Variants in BACE2 observed in about 807,000 individuals in gnomAD.
The protein encoded by BACE2 is beta-secretase 2.
Under a neutral mutation model 46.2 loss-of-function variants are expected in BACE2, and 17 were observed. That is an observed-to-expected ratio of 0.37 (90% confidence interval 0.25 to 0.55). The LOEUF (loss-of-function observed/expected upper bound fraction) is 0.55. Among genes scored for constraint, BACE2 ranks in the 20% least tolerant of loss-of-function variants. The pLI, the probability that BACE2 is intolerant of heterozygous loss-of-function variation, is 0.82. For missense variants in BACE2, 595 were observed against 698.1 expected, an observed-to-expected ratio of 0.85 and a Z score of 1.66; for synonymous variants, 277 against 295.9, an observed-to-expected ratio of 0.94 and a Z score of 0.66.
chr21:41,236,390 C>T (rs2123592562), intron 2 of BACE2, among the ~76,000 whole-genome samples: 1 of 152,274 alleles, frequency 6.6e-6, no homozygotes, highest in African/African-American at 2.4e-5. Context: ...GCTCTCGTCC[C>T]GTAACCACCA....
rs371026635 is a variant in BACE2, at chr21:41,254,087, G to A, written c.1135-3071G>A. On this transcript the variant is annotated intron_variant, in intron 7 of 8. Coordinates refer to ENST00000330333, the MANE Select transcript of BACE2 (RefSeq NM_012105.5). ...GAGTTTTAGGATGGGGCCCTACCTG[G>A]GACCTCTCAAACATGAGCCCTAATA... Among the ~76,000 whole-genome samples, 26 of 152,226 alleles carry A rather than the reference G, an allele frequency of 1.7e-4. 1 individual carries two copies. Among genetic ancestry groups the A allele is most frequent in the East Asian group, 5.8e-4 (3 of 5,178 alleles).
At chr21:41,268,940 TTCTTC>T (rs927740287) in intron 8 of BACE2, among the ~76,000 whole-genome samples, 8 of 152,102 alleles carry the variant, frequency 5.3e-5, no homozygotes, top group Admixed American at 2.0e-4. Context: ...TTTTTCTTTT[TTCTTC>T]TCTTCTCTTC....
chr21:41,202,147 GA>G (rs1985985032), intron 1 of BACE2, among the ~76,000 whole-genome samples: 1 of 152,178 alleles, frequency 6.6e-6, no homozygotes, highest in African/African-American at 2.4e-5. Flanking sequence ...TGACCGTAGT[GA>G]GCTGTTTGTT....
chr21:41,192,125 G>A (rs1186924946), intron 1 of BACE2, among the ~76,000 whole-genome samples: 1 of 152,192 alleles, frequency 6.6e-6, no homozygotes, highest in African/African-American at 2.4e-5. Context: ...TGTCCTTCAT[G>A]GATGCCCTAG....
At chr21:41,224,002 G>A (rs1009829769) in intron 1 of BACE2, among the ~76,000 whole-genome samples, 1 of 152,086 alleles carries the variant, frequency 6.6e-6, no homozygotes, top group Non-Finnish European at 1.5e-5. Context: ...CTAAAGTGAG[G>A]AGTCAGAGAA....
At chr21:41,178,456 T>G (rs1052327748) in intron 1 of BACE2, 1 of 152,224 alleles carries the variant, frequency 6.6e-6, no homozygotes. Context: ...GCACATTGGC[T>G]GGGTGTGGCG....
Position 41,269,084 on chromosome 21 carries a change from A to G in BACE2, c.1304-6287A>G, listed in dbSNP as rs533337979. ...ATTCTCCTGCCTCAGCCTCCCAAGTAGCTGGGATTACAGGCGTGTGCCACC... is the reference window on the plus strand; with the variant it reads ...ATTCTCCTGCCTCAGCCTCCCAAGTGGCTGGGATTACAGGCGTGTGCCACC... On this transcript the variant is annotated intron_variant, in intron 8 of 8. Coordinates refer to ENST00000330333, the MANE Select transcript of BACE2 (RefSeq NM_012105.5). 2.0e-5 allele frequency among the ~76,000 whole-genome samples: 3 copies of G among 151,764 alleles called. No individual in the cohort carries two copies. The South Asian group carries it at 6.2e-4, about 32-fold the overall frequency.
At chr21:41,170,682 A>T (rs1984577158) in intron 1 of BACE2, among the ~76,000 whole-genome samples, 1 of 152,190 alleles carries the variant, frequency 6.6e-6, no homozygotes, top group Admixed American at 6.5e-5. Context: ...CTGCTCTATT[A>T]ATGGCCAGGA....
chr21:41,204,073 G>A (rs1986049871), intron 1 of BACE2, among the ~76,000 whole-genome samples: 1 of 152,228 alleles, frequency 6.6e-6, no homozygotes, highest in South Asian at 2.1e-4. Flanking sequence ...CTGGAGTGCA[G>A]TGGTGCAGTC....
intron 1 of BACE2, among the ~76,000 whole-genome samples, chr21:41,219,150 C>T (rs552959926): frequency 5.9e-5 from 9 of 152,310 alleles, no homozygotes; most frequent in South Asian, 2.1e-4. Context: ...CGTGAGCCAC[C>T]GCGCCCAGCC....
At chr21:41,182,084 G>A (rs1035742093) in intron 1 of BACE2, 1 of 167,078 alleles carries the variant, frequency 6.0e-6, no homozygotes, top group Non-Finnish European at 1.5e-5. Flanking sequence ...CCATAGAAAG[G>A]AAGTACTACA....
intron 1 of BACE2, among the ~76,000 whole-genome samples, chr21:41,170,188 G>A (rs931132190): frequency 7.0e-6 from 1 of 143,836 alleles, no homozygotes; most frequent in African/African-American, 2.6e-5. Context: ...CCTGAAGAAG[G>A]ACTAAAAAAT....
chr21:41,206,243 C>A (rs992423523), intron 1 of BACE2, among the ~76,000 whole-genome samples: 1 of 152,212 alleles, frequency 6.6e-6, no homozygotes, highest in African/African-American at 2.4e-5. Flanking sequence ...GCCTGCTCTT[C>A]ATTGCATCTT....
chr21:41,245,922 C>A, intron 5 of BACE2, 40 bp from the exon 6 acceptor site: 1 of 1,505,840 alleles, frequency 6.6e-7, no homozygotes, highest in Non-Finnish European at 9.1e-7. Context: ...GGGAGCGCCA[C>A]TGTCACTCAC....
intron 1 of BACE2, among the ~76,000 whole-genome samples, chr21:41,222,715 C>T (rs2123567221): frequency 6.6e-6 from 1 of 152,340 alleles, no homozygotes; most frequent in South Asian, 2.1e-4. Flanking sequence ...GAAGCAGGGA[C>T]ACCAGTGAGG....
intron 6 of BACE2, among the ~76,000 whole-genome samples, chr21:41,249,260 G>T (rs997678804): frequency 6.8e-6 from 1 of 147,948 alleles, no homozygotes; most frequent in African/African-American, 2.5e-5. Flanking sequence ...TGTACACTTG[G>T]CCTCAGGGGA....
chr21:41,250,988 T>C (rs1459883331), intron 7 of BACE2, 87 bp downstream of exon 7: 7 of 1,261,620 alleles, frequency 5.5e-6, no homozygotes, highest in Non-Finnish European at 5.6e-6. Context: ...ATGTCACACC[T>C]GCATTAGATC....
intron 1 of BACE2, among the ~76,000 whole-genome samples, chr21:41,222,974 C>G (rs572772761): frequency 6.6e-6 from 1 of 152,150 alleles, no homozygotes; most frequent in Non-Finnish European, 1.5e-5. Flanking sequence ...GAGCTCAATT[C>G]GGGACACGCC....
rs1393283397 is a variant in BACE2 at position 41,282,269 on chromosome 21, T to C, written c.*6645T>C. 1 of 152,238 alleles carries C rather than the reference T, an allele frequency of 6.6e-6. No individual in the cohort carries two copies. The highest frequency in any genetic ancestry group is 1.5e-5 in the Non-Finnish European group (1 of 68,036). 9.4% of individuals were successfully genotyped at this position (152,238 alleles called of 1,614,324 possible). On this transcript the variant is annotated 3_prime_UTR_variant, in exon 9 of 9. Coordinates refer to ENST00000330333, the MANE Select transcript of BACE2 (RefSeq NM_012105.5). ...CTTAAAATTATTTTATATTTCCCTT[T>C]GGGAATTTTTCTCTATTTCCAGCAC...
Sources: allele counts gnomAD v4.1 joint callset (sites outside exome capture counted in the v4.1 genomes callset), GRCh38; gene constraint gnomAD v4.1.1; transcripts MANE v1.5; gene names NCBI Gene and HGNC (gene_info 2026-07-23, HGNC 2026-07-21).